The following INPP5J variants were observed in gnomAD, a reference collection of about 807,000 sequenced individuals.
The protein encoded by INPP5J is inositol polyphosphate-5-phosphatase J, also known as phosphatidylinositol 4,5-bisphosphate 5-phosphatase A.
A neutral mutation model predicts 86.6 loss-of-function variants in INPP5J; 75 were observed. That is an observed-to-expected ratio of 0.87 (90% CI 0.72 to 1.05). The LOEUF (loss-of-function observed/expected upper bound fraction) is 1.05. Among genes scored for constraint, INPP5J ranks in the 50% least tolerant of loss-of-function variants. The pLI is 0.00. For synonymous variants in INPP5J, 540 were observed against 550.0 expected, an observed-to-expected ratio of 0.98 and a Z score of 0.25; for missense variants, 1,229 against 1,341.2, an observed-to-expected ratio of 0.92 and a Z score of 1.31.
chr22:31,125,817 C>T lies in INPP5J; in HGVS notation c.1078C>T (p.Pro360Ser), dbSNP rs1325921612. 2.5e-6 allele frequency: 4 copies of T among 1,601,818 alleles called. No homozygotes were observed. Among genetic ancestry groups the T allele is most frequent in the Non-Finnish European group, 3.4e-6 (4 of 1,174,436 alleles). ...RSPSHSPNRS[P>S]CVPPAPDMAL... Reference sequence around the variant, plus strand: ...CCCAAGCCACTCCCCGAATCGCTCTCCCTGTGTTCCCCCAGCCCCTGACAT... The same window carrying T: ...CCCAAGCCACTCCCCGAATCGCTCTTCCTGTGTTCCCCCAGCCCCTGACAT... The change falls in exon 2 of 13, where the codon CCC (proline) becomes TCC (serine). Residue 360 changes from proline (P) to serine (S), a missense_variant. Physicochemically the swap from Pro to Ser is moderately conservative, Grantham distance 74. Coordinates refer to ENST00000331075, the MANE Select transcript of INPP5J (RefSeq NM_001284285.2).
In INPP5J at chr22:31,129,539, G is replaced by A. The variant is rs1314758870; in HGVS notation, c.2193+885G>A. 3.0e-4 allele frequency among the ~76,000 whole-genome samples: 35 copies of A among 116,828 alleles called. No individual in the cohort carries two copies. The Admixed American group carries it at 3.4e-3, about 11-fold the overall frequency. The allele number at this position is 116,828 out of a possible 152,430, so 76.6% of individuals were successfully genotyped here. On this transcript the variant is annotated intron_variant, in intron 9 of 12. Transcript: ENST00000331075. Reference sequence around the variant, plus strand: ...ACAGGCATGAGCCACTGTGCCCGGCGCCCTTTTTTTTTTTTTTTTTTTTTA... The same window carrying A: ...ACAGGCATGAGCCACTGTGCCCGGCACCCTTTTTTTTTTTTTTTTTTTTTA...
At chr22:31,127,316 C>T (rs1022147313) in intron 5 of INPP5J, 41 bp from the exon 6 acceptor site, 1 of 1,554,766 alleles carries the variant, frequency 6.4e-7, no homozygotes, top group Non-Finnish European at 8.7e-7. Flanking sequence ...CACCTCCTGG[C>T]CTAAGCCCCG....
rs896689148 is a variant in INPP5J at position 31,124,941 on chromosome 22, A to G, written c.202A>G (p.Met68Val). Reference sequence around the variant, plus strand: ...GGCACCTGTAGGGCCACGGGCAGCTATGTCAGCTTCCTCGGAAGGACCGAG... The same window carrying G: ...GGCACCTGTAGGGCCACGGGCAGCTGTGTCAGCTTCCTCGGAAGGACCGAG... ...ALAPVGPRAA[M>V]SASSEGPRLA... Residue 68 changes from methionine to valine, a missense_variant, in exon 2 of 13, where the codon ATG becomes GTG. Met to Val is a conservative substitution (Grantham distance 21). Coordinates refer to ENST00000331075, the MANE Select transcript of INPP5J (RefSeq NM_001284285.2). The G allele has an allele frequency of 6.2e-7, 1 of 1,612,836 alleles. No individual in the cohort carries two copies. Among genetic ancestry groups the G allele is most frequent in the Non-Finnish European group, 8.5e-7 (1 of 1,179,408 alleles).
Position 31,125,426 on chromosome 22 carries a change from T to G in INPP5J, c.687T>G (p.Ser229=). 1 of 1,550,644 alleles carries G rather than the reference T, an allele frequency of 6.4e-7. No individual in the cohort carries two copies. The highest frequency in any genetic ancestry group is 8.7e-7 in the Non-Finnish European group (1 of 1,146,972). ...CATCCACGGCATCAGGCGCAGCCTCTGTGGGACAGACATCAGCTAGAAAGA... is the reference window on the plus strand; with the variant it reads ...CATCCACGGCATCAGGCGCAGCCTCGGTGGGACAGACATCAGCTAGAAAGA... ...APASTASGAA[S]VGQTSARKRD... is the part of the protein sequence containing the mutation. Residue 229 remains serine (S), a synonymous_variant, in exon 2 of 13, where the codon TCT becomes TCG. Coordinates refer to ENST00000331075, the MANE Select transcript of INPP5J (RefSeq NM_001284285.2).
chr22:31,125,652 C>T lies in INPP5J; in HGVS notation c.913C>T (p.Pro305Ser), dbSNP rs563230168. The stretch of plus-strand genomic sequence containing the variant: ...TTTGCCACGGCCACCCCAGACCTTG[C>T]CCTTGGATGTGGGCCAGGGTCCTTC... ...PVLPRPPQTL[P>S]LDVGQGPSEP... Residue 305 changes from proline (P) to serine (S), a missense_variant, in exon 2 of 13, where the codon CCC (proline) becomes TCC (serine). Coordinates refer to ENST00000331075, the MANE Select transcript of INPP5J (RefSeq NM_001284285.2). 34 of 1,550,614 alleles carry T rather than the reference C, an allele frequency of 2.2e-5. No homozygotes were observed. In the Admixed American group the frequency reaches 6.5e-4, roughly 30 times the overall value.
chr22:31,127,008 TGCAC>T lies in INPP5J; in HGVS notation c.1585_1588del (p.Thr529AlafsTer14). On this transcript the variant is annotated frameshift_variant, in exon 5 of 13. Coordinates refer to ENST00000331075, the MANE Select transcript of INPP5J (RefSeq NM_001284285.2). LOFTEE classifies it high-confidence loss of function. ...CTTCCTGCGAGACGTGCAGACCGAC[TGCAC>T]GCGCACTGGCCTGGGCGGCTACTGG... 2 of 1,606,808 alleles carry T rather than the reference TGCAC, an allele frequency of 1.2e-6. No individual in the cohort carries two copies. Among genetic ancestry groups the T allele is most frequent in the Non-Finnish European group, 1.7e-6 (2 of 1,176,714 alleles).
At position 31,124,978 on chromosome 22, in the gene INPP5J, C is replaced by A; in HGVS notation, c.239C>A (p.Ala80Glu). 2 of 1,595,516 alleles carry A rather than the reference C, an allele frequency of 1.3e-6. No individual in the cohort carries two copies. The highest frequency in any genetic ancestry group is 1.7e-6 in the Non-Finnish European group (2 of 1,171,104). Reference sequence around the variant, plus strand: ...TCGGAAGGACCGAGGCTGGCTCTGGCATCTCCCCGACCAATCCTGGCTCCA... The same window carrying A: ...TCGGAAGGACCGAGGCTGGCTCTGGAATCTCCCCGACCAATCCTGGCTCCA... ...ASSEGPRLAL[A>E]SPRPILAPLC... Residue 80 changes from alanine to glutamate, a missense_variant, in exon 2 of 13, where the codon GCA (alanine) becomes GAA (glutamate). Coordinates refer to ENST00000331075, the MANE Select transcript of INPP5J (RefSeq NM_001284285.2).
In INPP5J at chr22:31,123,084, C is replaced by A; in HGVS notation, c.70C>A (p.Pro24Thr). Reference protein sequence around the residue: ...TRAGLGSLPMPQGVAQTGAPS... With the variant: ...TRAGLGSLPMTQGVAQTGAPS... Reference sequence around the variant, plus strand: ...GGCTGGCCTGGGTTCCCTGCCCATGCCCCAGGGTGTTGCCCAAACTGGGGC... The same window carrying A: ...GGCTGGCCTGGGTTCCCTGCCCATGACCCAGGGTGTTGCCCAAACTGGGGC... Residue 24 changes from proline to threonine, a missense_variant, in exon 1 of 13, where the codon CCC (proline) becomes ACC (threonine). Transcript: ENST00000331075. 6.7e-7 allele frequency: 1 copy of A among 1,485,832 alleles called. No individual in the cohort carries two copies. Among genetic ancestry groups the A allele is most frequent in the Non-Finnish European group, 8.9e-7 (1 of 1,121,320 alleles). 92.0% of individuals were successfully genotyped at this position (1,485,832 alleles called of 1,614,324 possible). A position where few individuals can be genotyped will look rare whatever the true frequency, so the allele number is the denominator to read the frequency against.
Position 31,134,187 on chromosome 22 carries a change from A to G in INPP5J, c.2789A>G (p.Asn930Ser), listed in dbSNP as rs1450735256. ...LSRVAPDRSS[N>S]GSSRGSSEEG... ...CGAGTGGCTCCTGACAGGAGCAGTA[A>G]TGGCAGCAGCCGGGGCAGTAGTGAA... The change falls in exon 13 of 13, where the codon AAT becomes AGT. Residue 930 changes from asparagine to serine, a missense_variant. Physicochemically the swap from Asn to Ser is conservative, Grantham distance 46. Coordinates refer to ENST00000331075, the MANE Select transcript of INPP5J (RefSeq NM_001284285.2). The G allele has an allele frequency of 1.9e-6, 3 of 1,550,064 alleles. No homozygotes were observed. Among genetic ancestry groups the G allele is most frequent in the Non-Finnish European group, 1.7e-6 (2 of 1,146,622 alleles).
chr22:31,126,852 G>C, intron 4 of INPP5J, 69 bp from the exon 5 acceptor site: 1 of 1,437,588 alleles, frequency 7.0e-7, no homozygotes, highest in Non-Finnish European at 9.8e-7. Context: ...TGGAGGAGCA[G>C]ACCTGAAGGT....
chr22:31,129,088 C>A (rs1483548564), intron 9 of INPP5J, among the ~76,000 whole-genome samples: 6 of 151,164 alleles, frequency 4.0e-5, no homozygotes, highest in African/African-American at 7.3e-5. Flanking sequence ...CCCGCCACCA[C>A]GCCAGGCTAA....
At chr22:31,122,708 C>G (rs911230969), upstream of INPP5J, 3 of 344,636 alleles carry the variant, frequency 8.7e-6, no homozygotes, top group Non-Finnish European at 1.6e-5. Context: ...GAGCAAAGGG[C>G]TGACCAGGCC....
upstream of INPP5J, chr22:31,122,855 G>A (rs905517995): frequency 1.2e-5 from 6 of 514,900 alleles, no homozygotes; most frequent in African/African-American, 2.0e-5. Context: ...AGGATTCCCA[G>A]GGGGTAGCCA....
intron 6 of INPP5J, 70 bp from the exon 7 acceptor site, chr22:31,127,881 C>T (rs1333032402): frequency 8.6e-6 from 8 of 930,698 alleles, no homozygotes; most frequent in Non-Finnish European, 8.7e-6. Flanking sequence ...GGGCTGAGCC[C>T]TTATCCTCCA....
chr22:31,126,173 C>T (rs1166477678), intron 2 of INPP5J, 163 bp downstream of exon 2: 5 of 824,944 alleles, frequency 6.1e-6, no homozygotes, highest in African/African-American at 1.7e-5. Flanking sequence ...GATAGCATCC[C>T]CTCCTAAGGA....
chr22:31,125,258 C>T lies in INPP5J; in HGVS notation c.519C>T (p.Ser173=), dbSNP rs1053900155. ...ACCAGAAGCAGGAGCCACCTGCCTC[C>T]GTGGGACCCAAGCCAACACTGGCAG... is the stretch of plus-strand genomic sequence containing the variant. The part of the protein sequence containing the change: ...SRDQKQEPPA[S]VGPKPTLAAS... Residue 173 remains serine (S), a synonymous_variant, in exon 2 of 13, where the codon TCC becomes TCT. Coordinates refer to ENST00000331075, the MANE Select transcript of INPP5J (RefSeq NM_001284285.2). 38 of 1,550,384 alleles carry T rather than the reference C, an allele frequency of 2.5e-5. No individual in the cohort carries two copies. Among genetic ancestry groups the T allele is most frequent in the Non-Finnish European group, 3.2e-5 (37 of 1,146,976 alleles).
chr22:31,133,567 C>T (rs1437803963), intron 11 of INPP5J, 43 bp from the exon 12 acceptor site: 1 of 1,592,682 alleles, frequency 6.3e-7, no homozygotes, highest in Non-Finnish European at 8.6e-7. Flanking sequence ...CTCAGGTGGC[C>T]TCCCTGACCC....
chr22:31,126,347 A>G (rs755252199), intron 2 of INPP5J, 29 bp from the exon 3 acceptor site: 58 of 1,541,200 alleles, frequency 3.8e-5, no homozygotes, highest in Non-Finnish European at 4.7e-5. Context: ...TGGTGCCAGG[A>G]CTACACCCTC....
At position 31,132,968 on chromosome 22, in the gene INPP5J, C is replaced by T. The variant is rs28715163; in HGVS notation, c.2194-130C>T. On this transcript the variant is annotated intron_variant, in intron 9 of 12. Transcript: ENST00000331075. ...GGTATTTATACTAGACCTGTTCTGC[C>T]TCAGTTTCCCAGTCTGTAAAGTGGC... 334 of 1,242,668 alleles carry T rather than the reference C, an allele frequency of 2.7e-4. No individual in the cohort carries two copies. The African/African-American group carries it at 4.3e-3, about 16-fold the overall frequency. The allele number at this position is 1,242,668 out of a possible 1,614,324, so 77.0% of individuals were successfully genotyped here. A position where few individuals can be genotyped will look rare whatever the true frequency, so the allele number is the denominator to read the frequency against.
Sources: gnomAD v4.1 joint callset for allele counts (sites outside exome capture counted in the v4.1 genomes callset) on GRCh38, gnomAD v4.1.1 for gene constraint, MANE v1.5 for transcripts, NCBI Gene and HGNC (gene_info 2026-07-23, HGNC 2026-07-21) for gene names.